The following TUSC3 variants were observed in gnomAD, a reference collection of about 807,000 sequenced individuals.
The protein encoded by TUSC3 is dolichyl-diphosphooligosaccharide--protein glycosyltransferase subunit TUSC3.
Under a neutral mutation model 44.8 loss-of-function variants are expected in TUSC3, and 45 were observed. That is an observed-to-expected ratio of 1.00 (90% CI 0.79 to 1.29). TUSC3 has a LOEUF of 1.29. TUSC3 is among the 50% of genes most tolerant of loss of function. TUSC3 has a pLI of 0.00. For missense variants in TUSC3, 519 were observed against 437.9 expected (o/e 1.19, Z -1.65); for synonymous variants, 212 against 152.9 (o/e 1.39, Z -2.85).
the TUSC3 span, among the ~76,000 whole-genome samples, chr8:15,830,960 G>A: frequency 6.6e-6 from 1 of 151,692 alleles, no homozygotes; most frequent in Non-Finnish European, 1.5e-5. Context: ...TTGCCACGCT[G>A]TCACTGCCAC....
intron 2 of TUSC3, among the ~76,000 whole-genome samples, chr8:15,523,409 T>C (rs1183330206): frequency 6.6e-6 from 1 of 152,038 alleles, no homozygotes; most frequent in Non-Finnish European, 1.5e-5. Context: ...GTGTTTTTAC[T>C]TTCTCCTTAC....
intron 6 of TUSC3, among the ~76,000 whole-genome samples, chr8:15,685,899 G>T (rs1808607750): frequency 4.6e-5 from 1 of 21,700 alleles, no homozygotes; most frequent in East Asian, 1.6e-3. Flanking sequence ...TGTAAGGCTA[G>T]TGACTCTGCT....
chr8:15,643,934 A>G lies in TUSC3; in HGVS notation c.309-6763A>G, dbSNP rs748041818. Among the ~76,000 whole-genome samples, 71 of 152,282 alleles carry G rather than the reference A, an allele frequency of 4.7e-4. 1 individual carries two copies. In the Middle Eastern group the frequency reaches 0.02, roughly 44 times the overall value. ...TTATTTGGGGTTTTATTATGGCATA[A>G]GTACAATTCATTTTACGTATATAAC... is the stretch of plus-strand genomic sequence containing the variant. On this transcript the variant is annotated intron_variant, in intron 2 of 10. Transcript: ENST00000503731.
chr8:15,732,454 G>A (rs1563195356), intron 7 of TUSC3, among the ~76,000 whole-genome samples: 1 of 152,106 alleles, frequency 6.6e-6, no homozygotes, highest in South Asian at 2.1e-4. Context: ...ATATGGAACT[G>A]TGAGTCCGTT....
chr8:15,555,935 C>G (rs1420729837), intron 1 of TUSC3, among the ~76,000 whole-genome samples: 1 of 151,188 alleles, frequency 6.6e-6, no homozygotes, highest in East Asian at 2.0e-4. Flanking sequence ...TGTATGCTTT[C>G]TGGATATAAA....
chr8:15,432,380 C>A (rs1025444478), intron 1 of TUSC3, among the ~76,000 whole-genome samples: 6 of 152,090 alleles, frequency 3.9e-5, no homozygotes, highest in African/African-American at 1.4e-4. Context: ...ATGTCCATTT[C>A]CTTGCTTACT....
chr8:15,514,989 T>C (rs1454289531), intron 2 of TUSC3, among the ~76,000 whole-genome samples: 2 of 152,154 alleles, frequency 1.3e-5, no homozygotes, highest in African/African-American at 2.4e-5. Context: ...TAAATGACAA[T>C]AGTGTTTAAT....
intron 1 of TUSC3, among the ~76,000 whole-genome samples, chr8:15,431,300 C>G (rs745564617): frequency 1.4e-5 from 2 of 145,418 alleles, no homozygotes; most frequent in Admixed American, 6.8e-5. Flanking sequence ...GATATTTTAC[C>G]TATATTCTTC....
At position 15,765,750 on chromosome 8, in the gene TUSC3, G is replaced by A. The variant is rs1195334515; in HGVS notation, c.*1594G>A. 2 of 152,020 alleles carry A rather than the reference G, an allele frequency of 1.3e-5. No individual in the cohort carries two copies. Among genetic ancestry groups the A allele is most frequent in the Admixed American group, 6.6e-5 (1 of 15,242 alleles). The allele number at this position is 152,020 out of a possible 1,614,324, so 9.4% of individuals were successfully genotyped here. A position where few individuals can be genotyped will look rare whatever the true frequency, so the allele number is the denominator to read the frequency against. On this transcript the variant is annotated 3_prime_UTR_variant, in exon 11 of 11. Transcript: ENST00000503731. ...GTTTTGGAATGACGTTTATGGAAAA[G>A]CAATAGATGAACTTAATCATTTGAT...
intron 1 of TUSC3, among the ~76,000 whole-genome samples, chr8:15,594,550 C>T (rs1803986119): frequency 6.6e-6 from 1 of 152,050 alleles, no homozygotes; most frequent in Admixed American, 6.6e-5. Flanking sequence ...GTATTTTGAT[C>T]CTTTAAGTTC....
At chr8:15,724,845 A>T (rs1030700289) in intron 6 of TUSC3, among the ~76,000 whole-genome samples, 19 of 152,320 alleles carry the variant, frequency 1.2e-4, no homozygotes, top group Admixed American at 1.1e-3. Flanking sequence ...ACAAAATTGG[A>T]CTGAAAGAAT....
At chr8:15,562,461 A>C (rs1369464188) in intron 1 of TUSC3, among the ~76,000 whole-genome samples, 1 of 152,108 alleles carries the variant, frequency 6.6e-6, no homozygotes, top group African/African-American at 2.4e-5. Flanking sequence ...TTGATGCATA[A>C]AAAATTGCCA....
At chr8:15,710,830 A>G (rs1379800946) in intron 6 of TUSC3, among the ~76,000 whole-genome samples, 4 of 147,558 alleles carry the variant, frequency 2.7e-5, no homozygotes, top group Non-Finnish European at 4.5e-5. Context: ...GAATTTATAA[A>G]TATATATATA....
At chr8:15,658,801 T>G (rs1372487024) in intron 3 of TUSC3, among the ~76,000 whole-genome samples, 110 of 152,178 alleles carry the variant, frequency 7.2e-4, no homozygotes, top group Non-Finnish European at 8.8e-5. Flanking sequence ...AAGCACCGTT[T>G]ATACGAGGGT....
the TUSC3 span, among the ~76,000 whole-genome samples, chr8:15,786,936 T>G: frequency 2.6e-5 from 2 of 77,898 alleles, no homozygotes; most frequent in Admixed American, 4.4e-4. Context: ...AGAGGGAGAC[T>G]CCATCAAAAA....
At chr8:15,760,521 G>A (rs1300173632) in intron 10 of TUSC3, among the ~76,000 whole-genome samples, 1 of 152,116 alleles carries the variant, frequency 6.6e-6, no homozygotes, top group Admixed American at 6.6e-5. Flanking sequence ...AGTAACTGCT[G>A]TCTGTGTTAG....
intron 2 of TUSC3, among the ~76,000 whole-genome samples, chr8:15,489,357 G>A (rs1800776574): frequency 6.6e-6 from 1 of 152,124 alleles, no homozygotes; most frequent in East Asian, 1.9e-4. Context: ...TGGAAACCAA[G>A]GTTCTTATTA....
intron 6 of TUSC3, among the ~76,000 whole-genome samples, chr8:15,724,165 G>T (rs923233180): frequency 1.3e-5 from 2 of 152,116 alleles, no homozygotes; most frequent in African/African-American, 2.4e-5. Context: ...ACAGTGAGAA[G>T]CTGGCTGTCT....
chr8:15,468,120 C>G (rs1343491470), intron 1 of TUSC3, among the ~76,000 whole-genome samples: 2 of 152,118 alleles, frequency 1.3e-5, no homozygotes, highest in African/African-American at 2.4e-5. Flanking sequence ...CTTGATGAGT[C>G]TCTCCTGAAA....
Sources: gnomAD v4.1 joint callset for allele counts (sites outside exome capture counted in the v4.1 genomes callset) on GRCh38, gnomAD v4.1.1 for gene constraint, MANE v1.5 for transcripts, NCBI Gene and HGNC (gene_info 2026-07-23, HGNC 2026-07-21) for gene names.